The following PTPRD variants were observed in gnomAD, a reference collection of about 807,000 sequenced individuals.
The protein encoded by PTPRD is protein tyrosine phosphatase receptor type D.
A neutral mutation model predicts 214.5 loss-of-function variants in PTPRD; 34 were observed. That is an observed-to-expected ratio of 0.16 (90% CI 0.12 to 0.21). The LOEUF (loss-of-function observed/expected upper bound fraction) is 0.21. PTPRD is among the 10% of genes least tolerant of loss of function. The pLI is 1.00. For synonymous variants in PTPRD, 1,128 were observed against 845.7 expected (o/e 1.33, Z -5.79); for missense variants, 2,545 against 2,398.7 (o/e 1.06, Z -1.27).
chr9:10,563,942 C>T (rs986294549), intron 2 of PTPRD, among the ~76,000 whole-genome samples: 1 of 151,638 alleles, frequency 6.6e-6, no homozygotes, highest in Non-Finnish European at 1.5e-5. Flanking sequence ...AAAAGACATA[C>T]TCTACAGCCC....
chr9:9,989,608 C>G (rs1378625768), intron 4 of PTPRD, among the ~76,000 whole-genome samples: 1 of 152,112 alleles, frequency 6.6e-6, no homozygotes. Flanking sequence ...CACCACCCTC[C>G]AATTTTTTCA....
At chr9:8,335,935 G>A (rs140197216) in intron 43 of PTPRD, among the ~76,000 whole-genome samples, 58 of 152,202 alleles carry the variant, frequency 3.8e-4, no homozygotes, top group African/African-American at 1.1e-3. Flanking sequence ...AAGGAGAACT[G>A]CAAACCACTG....
intron 3 of PTPRD, among the ~76,000 whole-genome samples, chr9:10,048,234 C>A (rs758046677): frequency 3.3e-5 from 5 of 150,898 alleles, no homozygotes; most frequent in African/African-American, 7.4e-5. Context: ...GTCCTTTGTA[C>A]TCCTTGTTCT....
intron 4 of PTPRD, among the ~76,000 whole-genome samples, chr9:10,008,787 G>T (rs779732965): frequency 1.3e-5 from 2 of 151,930 alleles, no homozygotes; most frequent in Non-Finnish European, 2.9e-5. Context: ...ATTGACAAGG[G>T]TTAATTTCCA....
intron 9 of PTPRD, among the ~76,000 whole-genome samples, chr9:9,384,928 G>C (rs2063439431): frequency 6.6e-6 from 1 of 152,010 alleles, no homozygotes; most frequent in Admixed American, 6.6e-5. Flanking sequence ...GTTGTTCATA[G>C]TATCTCTCAT....
intron 12 of PTPRD, among the ~76,000 whole-genome samples, chr9:8,692,484 T>A (rs1043538787): frequency 6.6e-6 from 1 of 152,174 alleles, no homozygotes; most frequent in Non-Finnish European, 1.5e-5. Context: ...CCATTAACCA[T>A]TGCCTCATCT....
At chr9:10,611,916 C>CCA (rs1491167084) in intron 2 of PTPRD, among the ~76,000 whole-genome samples, 1 of 91,530 alleles carries the variant, frequency 1.1e-5, no homozygotes, top group Non-Finnish European at 2.3e-5. Flanking sequence ...CCCCCCCCCC[C>CCA]TTTTTTTTTC....
chr9:9,964,352 G>T (rs756499529), intron 4 of PTPRD, among the ~76,000 whole-genome samples: 1 of 152,166 alleles, frequency 6.6e-6, no homozygotes, highest in South Asian at 2.1e-4. Context: ...GACAGGTGCA[G>T]GTCATGGTGT....
At chr9:10,350,357 A>C (rs923780853) in intron 2 of PTPRD, among the ~76,000 whole-genome samples, 52 of 152,230 alleles carry the variant, frequency 3.4e-4, no homozygotes, top group African/African-American at 1.3e-3. Flanking sequence ...TCTAAATATT[A>C]CCTTTATTTT....
At chr9:9,955,178 A>G (rs539189521) in intron 4 of PTPRD, among the ~76,000 whole-genome samples, 85 of 152,268 alleles carry the variant, frequency 5.6e-4, no homozygotes, top group African/African-American at 2.0e-3. Flanking sequence ...AAACAAAGGA[A>G]CTTATCTCCA....
chr9:9,344,031 T>C (rs1279473270), intron 9 of PTPRD, among the ~76,000 whole-genome samples: 1 of 152,196 alleles, frequency 6.6e-6, no homozygotes, highest in Non-Finnish European at 1.5e-5. Context: ...TATATGTTTA[T>C]CTTCTAGATA....
intron 35 of PTPRD, among the ~76,000 whole-genome samples, chr9:8,431,879 T>C (rs1294150576): frequency 6.6e-6 from 1 of 152,206 alleles, no homozygotes; most frequent in Admixed American, 6.5e-5. Flanking sequence ...TTTTCTATTG[T>C]TTGTAATAGT....
At chr9:10,260,173 A>T (rs2093601006) in intron 3 of PTPRD, among the ~76,000 whole-genome samples, 1 of 152,230 alleles carries the variant, frequency 6.6e-6, no homozygotes. Flanking sequence ...AAATGTGGAA[A>T]CCGTAAATGT....
At chr9:8,538,550 A>C (rs887620349) in intron 14 of PTPRD, among the ~76,000 whole-genome samples, 1 of 151,610 alleles carries the variant, frequency 6.6e-6, no homozygotes, top group African/African-American at 2.4e-5. Flanking sequence ...AGAAAATCAG[A>C]ATCAATTGTG....
At chr9:8,648,354 G>C (rs1420592263) in intron 12 of PTPRD, among the ~76,000 whole-genome samples, 1 of 152,172 alleles carries the variant, frequency 6.6e-6, no homozygotes, top group African/African-American at 2.4e-5. Flanking sequence ...TGCTTAGTAA[G>C]GCTGGCCATT....
At chr9:8,768,581 G>A (rs538338416) in intron 11 of PTPRD, among the ~76,000 whole-genome samples, 29 of 152,000 alleles carry the variant, frequency 1.9e-4, no homozygotes, top group Non-Finnish European at 2.8e-4. Flanking sequence ...TTAAAAATAA[G>A]AAATAAGAGT....
intron 11 of PTPRD, among the ~76,000 whole-genome samples, chr9:8,955,106 C>T (rs1411109341): frequency 1.3e-5 from 2 of 151,742 alleles, no homozygotes; most frequent in African/African-American, 4.8e-5. Flanking sequence ...ATTATTTGGT[C>T]TGGAAGAGAG....
At chr9:8,771,918 C>T (rs1007520138) in intron 11 of PTPRD, among the ~76,000 whole-genome samples, 10 of 151,604 alleles carry the variant, frequency 6.6e-5, no homozygotes, top group Non-Finnish European at 5.9e-5. Context: ...GGGTCATAAA[C>T]CAAATGCTTT....
chr9:9,492,829 G>C (rs144754405), intron 8 of PTPRD, among the ~76,000 whole-genome samples: 1 of 149,728 alleles, frequency 6.7e-6, no homozygotes, highest in Non-Finnish European at 1.5e-5. Context: ...ATCATATTTC[G>C]GTAATTTTTG....
Sources: gnomAD v4.1 joint callset for allele counts (sites outside exome capture counted in the v4.1 genomes callset) on GRCh38, gnomAD v4.1.1 for gene constraint, MANE v1.5 for transcripts, NCBI Gene and HGNC (gene_info 2026-07-23, HGNC 2026-07-21) for gene names.